TBC1D1: variants seen among roughly 807,000 people sequenced by gnomAD.
TBC1D1 encodes TBC1 (tre-2/USP6, BUB2, cdc16) domain family, member 1.
A neutral mutation model predicts 125.6 loss-of-function variants in TBC1D1; 89 were observed. The observed-to-expected ratio is 0.71, with a 90% CI of 0.60 to 0.85. The LOEUF (loss-of-function observed/expected upper bound fraction) is 0.85, where lower values mean the gene tolerates loss of function less well. Ranked by LOEUF, TBC1D1 falls within the 40% of genes least tolerant of loss-of-function variation. The pLI is 0.00. For missense variants in TBC1D1, 1,377 were observed against 1,469.2 expected, an observed-to-expected ratio of 0.94 and a Z score of 1.03; for synonymous variants, 565 against 564.1, an observed-to-expected ratio of 1.00 and a Z score of -0.02.
intron 12 of TBC1D1, among the ~76,000 whole-genome samples, chr4:38,071,604 T>C (rs965202718): frequency 1.3e-5 from 2 of 152,190 alleles, no homozygotes; most frequent in African/African-American, 4.8e-5. Flanking sequence ...TCTGTCATTG[T>C]GTTACCCACT....
rs1766836211 is a variant in TBC1D1, at chr4:38,137,471, T to C, written c.*136T>C. Reference sequence around the variant, plus strand: ...GGAAACCGGCTTGCCAGCAAGTAGATTCTTACGAACTCCAACTTGCAATTC... The same window carrying C: ...GGAAACCGGCTTGCCAGCAAGTAGACTCTTACGAACTCCAACTTGCAATTC... On this transcript the variant is annotated 3_prime_UTR_variant, in exon 20 of 20. Coordinates refer to ENST00000261439, the MANE Select transcript of TBC1D1 (RefSeq NM_015173.4). 4 of 1,260,016 alleles carry C rather than the reference T, an allele frequency of 3.2e-6. No homozygotes were observed. The highest frequency in any genetic ancestry group is 5.4e-5 in the South Asian group (2 of 36,720). 78.1% of individuals were successfully genotyped at this position (1,260,016 alleles called of 1,614,324 possible). A position where few individuals can be genotyped will look rare whatever the true frequency, so the allele number is the denominator to read the frequency against.
intron 2 of TBC1D1, among the ~76,000 whole-genome samples, chr4:37,913,543 G>A (rs567492065): frequency 1.6e-3 from 242 of 152,100 alleles, no homozygotes; most frequent in Middle Eastern, 3.4e-3. Context: ...AGGTTGCGGT[G>A]AGCTGAGATC....
intron 16 of TBC1D1, 56 bp downstream of exon 18, chr4:38,116,010 C>A: frequency 1.3e-6 from 2 of 1,587,066 alleles, no homozygotes; most frequent in Admixed American, 3.4e-5. Context: ...TGTTTCTTAT[C>A]CCTCTCCAGA....
At chr4:38,025,534 C>T (rs1046240765) in intron 6 of TBC1D1, among the ~76,000 whole-genome samples, 5 of 152,120 alleles carry the variant, frequency 3.3e-5, no homozygotes, top group Admixed American at 3.3e-4. Flanking sequence ...TCACAGCTGC[C>T]GAAGCGAAGA....
chr4:37,933,003 G>A (rs192657838), intron 2 of TBC1D1, among the ~76,000 whole-genome samples: 1 of 151,670 alleles, frequency 6.6e-6, no homozygotes, highest in African/African-American at 2.4e-5. Context: ...GTTGCAATGA[G>A]CTGAGATTGT....
chr4:38,049,723 G>C lies in TBC1D1; in HGVS notation c.1735G>C (p.Glu579Gln). 6.2e-7 allele frequency: 1 copy of C among 1,614,160 alleles called. No homozygotes were observed. The highest frequency in any genetic ancestry group is 1.3e-5 in the African/African-American group (1 of 75,030). ...CAGTGACTCGGAGAGTCATCTCCCA[G>C]AAGAGCCAGCTCCGCTGTCGCCCCA... Residue 579 changes from glutamate (E) to glutamine (Q), a missense_variant, in exon 11 of 20, where the codon GAA becomes CAA. Glu to Gln is a conservative substitution (Grantham distance 29, BLOSUM62 2). Around this residue, in one of 3 missense-constraint regions of TBC1D1, gnomAD observed 822 missense variants for 824.6 expected, o/e 1.00. Transcript: ENST00000261439.
chr4:37,911,282 C>T (rs2152251415), intron 2 of TBC1D1, among the ~76,000 whole-genome samples: 1 of 152,220 alleles, frequency 6.6e-6, no homozygotes, highest in South Asian at 2.1e-4. Context: ...ACTGAAGTAG[C>T]TAAATCTCTT....
At chr4:37,987,890 T>G (rs1735776786) in intron 2 of TBC1D1, among the ~76,000 whole-genome samples, 2 of 152,214 alleles carry the variant, frequency 1.3e-5, no homozygotes. Flanking sequence ...CCTGGAAAGT[T>G]CTCTTTAGGA....
chr4:38,078,673 G>T (rs1229895214), intron 12 of TBC1D1, among the ~76,000 whole-genome samples: 1 of 152,200 alleles, frequency 6.6e-6, no homozygotes, highest in African/African-American at 2.4e-5. Flanking sequence ...GTCAGGAAGA[G>T]AGAGGGCTCT....
At chr4:37,945,811 T>G (rs1726583980) in intron 2 of TBC1D1, among the ~76,000 whole-genome samples, 1 of 152,206 alleles carries the variant, frequency 6.6e-6, no homozygotes, top group African/African-American at 2.4e-5. Context: ...GGATAAATTT[T>G]AAATCTTTTT....
intron 12 of TBC1D1, among the ~76,000 whole-genome samples, chr4:38,074,443 G>T (rs1036700204): frequency 2.0e-5 from 3 of 152,290 alleles, no homozygotes; most frequent in African/African-American, 7.2e-5. Flanking sequence ...AGGCTTGGAA[G>T]GATCGATTTC....
At chr4:37,950,919 C>A (rs1263230738) in intron 2 of TBC1D1, among the ~76,000 whole-genome samples, 2 of 151,994 alleles carry the variant, frequency 1.3e-5, no homozygotes, top group Non-Finnish European at 2.9e-5. Flanking sequence ...CCGCCATGCC[C>A]AGCTAATTTT....
chr4:37,915,085 G>T (rs763528582), intron 2 of TBC1D1, among the ~76,000 whole-genome samples: 63 of 152,236 alleles, frequency 4.1e-4, no homozygotes, highest in Middle Eastern at 3.2e-3. Context: ...GCTCTTGCCT[G>T]TCTTCTTCAC....
chr4:37,999,328 A>T (rs1408006406), intron 2 of TBC1D1, among the ~76,000 whole-genome samples: 2 of 152,192 alleles, frequency 1.3e-5, no homozygotes, highest in Non-Finnish European at 2.9e-5. Context: ...GTTGTAGGTA[A>T]AGTTTACCTA....
chr4:37,898,606 C>A (rs945550205), intron 1 of TBC1D1, among the ~76,000 whole-genome samples: 1 of 152,152 alleles, frequency 6.6e-6, no homozygotes, highest in African/African-American at 2.4e-5. Flanking sequence ...CTGTAACCCA[C>A]CATGATACAG....
chr4:38,026,376 C>T (rs1041032787), intron 6 of TBC1D1, among the ~76,000 whole-genome samples: 7 of 152,298 alleles, frequency 4.6e-5, no homozygotes, highest in African/African-American at 7.2e-5. Context: ...GCGTGGCTGC[C>T]GATGGGCCTC....
chr4:37,902,595 T>C lies in TBC1D1; in HGVS notation c.417+83T>C, dbSNP rs1716319731. 3.6e-6 allele frequency: 4 copies of C among 1,119,248 alleles called. No homozygotes were observed. In the African/African-American group the frequency reaches 4.7e-5, roughly 13 times the overall value. The allele number at this position is 1,119,248 out of a possible 1,614,324, so 69.3% of individuals were successfully genotyped here. A position where few individuals can be genotyped will look rare whatever the true frequency, so the allele number is the denominator to read the frequency against. ...GGGGTCAGGATATTTATTTTAAGTA[T>C]ACTGAAATGAATAAGGAATTAATGC... On this transcript the variant is annotated intron_variant, in intron 2 of 19. Transcript: ENST00000261439.
chr4:38,066,026 A>G (rs1224452611), intron 12 of TBC1D1, among the ~76,000 whole-genome samples: 1 of 152,190 alleles, frequency 6.6e-6, no homozygotes, highest in Non-Finnish European at 1.5e-5. Flanking sequence ...CTTGGTTCAC[A>G]TAGCCAGGAT....
chr4:38,134,446 A>G (rs1341940637), intron 19 of TBC1D1, among the ~76,000 whole-genome samples: 3 of 152,102 alleles, frequency 2.0e-5, no homozygotes, highest in African/African-American at 7.2e-5. Context: ...GCCTGTATAC[A>G]ATTTACCCTG....
Sources: gnomAD v4.1 joint callset for allele counts (sites outside exome capture counted in the v4.1 genomes callset) on GRCh38, gnomAD v4.1.1 for gene constraint, gnomAD v4.1.1 regional missense constraint, MANE v1.5 for transcripts, NCBI Gene and HGNC (gene_info 2026-07-23, HGNC 2026-07-21) for gene names.